CNBD1: variants seen among roughly 807,000 people sequenced by gnomAD.
CNBD1 encodes cyclic nucleotide-binding domain-containing protein 1.
A neutral mutation model predicts 54.4 loss-of-function variants in CNBD1; 71 were observed. That is an observed-to-expected ratio of 1.30 (90% confidence interval 1.08 to 1.59). The LOEUF is 1.59. Among genes scored for constraint, CNBD1 ranks in the 40% most tolerant of loss-of-function variants. The probability of loss-of-function intolerance (pLI) is 0.00; values close to 1 mark genes in which losing one functional copy is unlikely to be tolerated. For synonymous variants in CNBD1, 182 were observed against 170.7 expected (o/e 1.07, Z -0.51); for missense variants, 659 against 518.0 (o/e 1.27, Z -2.64).
intron 4 of CNBD1, among the ~76,000 whole-genome samples, chr8:87,121,508 T>C (rs1447759167): frequency 6.6e-6 from 1 of 151,846 alleles, no homozygotes. Flanking sequence ...TGCAAACCTA[T>C]CATTTTTTAT....
At chr8:87,039,666 G>A (rs1810023601) in intron 4 of CNBD1, among the ~76,000 whole-genome samples, 1 of 152,204 alleles carries the variant, frequency 6.6e-6, no homozygotes, top group Non-Finnish European at 1.5e-5. Flanking sequence ...TTCATGCAGG[G>A]CTGGCTGTGC....
At chr8:87,028,763 T>C (rs1405747641) in intron 4 of CNBD1, among the ~76,000 whole-genome samples, 1 of 152,220 alleles carries the variant, frequency 6.6e-6, no homozygotes, top group Non-Finnish European at 1.5e-5. Context: ...AGCCTAAGTG[T>C]TGTTTCCTAA....
At chr8:87,427,692 T>C (rs942201098) in intron 2 of CNBD1, among the ~76,000 whole-genome samples, 6 of 152,178 alleles carry the variant, frequency 3.9e-5, no homozygotes, top group Admixed American at 2.6e-4. Context: ...AGTTAAAGAA[T>C]GAGGTTATTT....
chr8:87,193,802 CAAAT>C (rs967294210), intron 4 of CNBD1, among the ~76,000 whole-genome samples: 22 of 152,102 alleles, frequency 1.4e-4, no homozygotes, highest in African/African-American at 4.3e-4. Flanking sequence ...CTAAGTGTAA[CAAAT>C]AAATAAATAA....
chr8:86,981,519 A>G (rs910597220), intron 4 of CNBD1, among the ~76,000 whole-genome samples: 2 of 152,270 alleles, frequency 1.3e-5, no homozygotes, highest in Admixed American at 6.5e-5. Context: ...GATTTTGGCA[A>G]TGTGTACAAT....
At chr8:86,937,381 C>A (rs1015946639) in intron 3 of CNBD1, among the ~76,000 whole-genome samples, 2 of 152,198 alleles carry the variant, frequency 1.3e-5, no homozygotes, top group African/African-American at 2.4e-5. Flanking sequence ...CATTCTGACT[C>A]TGGCCCCTCC....
At chr8:86,866,809 C>A (rs892307883) in intron 1 of CNBD1, among the ~76,000 whole-genome samples, 1 of 152,082 alleles carries the variant, frequency 6.6e-6, no homozygotes, top group Admixed American at 6.5e-5. Flanking sequence ...AAATGAGGAT[C>A]TTTACGAACT....
At chr8:87,270,816 T>C (rs1462323838) in intron 6 of CNBD1, among the ~76,000 whole-genome samples, 5 of 151,886 alleles carry the variant, frequency 3.3e-5, no homozygotes, top group Non-Finnish European at 1.5e-5. Flanking sequence ...TTATTCTTCA[T>C]TCTTTTTGGA....
intron 6 of CNBD1, among the ~76,000 whole-genome samples, chr8:87,260,182 A>G (rs765482266): frequency 2.0e-5 from 3 of 152,144 alleles, no homozygotes; most frequent in Non-Finnish European, 4.4e-5. Context: ...GCTTTTAACT[A>G]CTCCAGATAA....
At chr8:86,892,102 G>T (rs556327609) in intron 2 of CNBD1, among the ~76,000 whole-genome samples, 2 of 152,058 alleles carry the variant, frequency 1.3e-5, no homozygotes, top group South Asian at 4.2e-4. Flanking sequence ...GTGTTGAAAA[G>T]AAGTAGTGAA....
chr8:87,107,495 C>T (rs988255065), intron 4 of CNBD1, among the ~76,000 whole-genome samples: 1 of 152,202 alleles, frequency 6.6e-6, no homozygotes, highest in African/African-American at 2.4e-5. Context: ...CATTTATCAA[C>T]TCACACACCC....
chr8:87,266,568 C>T (rs1586376863), intron 6 of CNBD1, among the ~76,000 whole-genome samples: 1 of 145,452 alleles, frequency 6.9e-6, no homozygotes, highest in African/African-American at 2.5e-5. Flanking sequence ...TCTCCTGCTT[C>T]AGCCTCCCAA....
chr8:86,950,482 C>T (rs1275088217), intron 4 of CNBD1, among the ~76,000 whole-genome samples: 1 of 152,118 alleles, frequency 6.6e-6, no homozygotes, highest in Non-Finnish European at 1.5e-5. Context: ...CCTTGCATCC[C>T]TGGGATAAGT....
At chr8:87,007,584 G>T (rs1387556551) in intron 4 of CNBD1, among the ~76,000 whole-genome samples, 1 of 151,810 alleles carries the variant, frequency 6.6e-6, no homozygotes, top group East Asian at 1.9e-4. Flanking sequence ...GTTACTGATG[G>T]TATTTCATCA....
intron 4 of CNBD1, among the ~76,000 whole-genome samples, chr8:87,089,164 T>C (rs1811157225): frequency 6.6e-6 from 1 of 152,108 alleles, no homozygotes; most frequent in Non-Finnish European, 1.5e-5. Context: ...GATGGATCTA[T>C]GAAGTGAAGT....
At chr8:87,098,519 A>C (rs73281269) in intron 4 of CNBD1, among the ~76,000 whole-genome samples, 2,198 of 152,236 alleles carry the variant, frequency 0.014, 46 homozygotes, top group African/African-American at 0.05. Flanking sequence ...AAATTAGCTA[A>C]GTAGTGAGAG....
chr8:87,010,560 C>G (rs1285209434), intron 4 of CNBD1, among the ~76,000 whole-genome samples: 1 of 152,026 alleles, frequency 6.6e-6, no homozygotes, highest in Non-Finnish European at 1.5e-5. Context: ...CTAGACTTGC[C>G]AACATGGTGA....
In CNBD1 at chr8:87,163,013, C is replaced by T. The variant is rs1812889095; in HGVS notation, c.432-42980C>T. Among the ~76,000 whole-genome samples, 1 of 151,976 alleles carries T rather than the reference C, an allele frequency of 6.6e-6. No individual in the cohort carries two copies. Among genetic ancestry groups the T allele is most frequent in the South Asian group, 2.1e-4 (1 of 4,820 alleles). Reference sequence around the variant, plus strand: ...TGTGGGGCCCAGCATTCCTGTCCTCCAAAAGATGTAGCTTTCAAAGCACCA... The same window carrying T: ...TGTGGGGCCCAGCATTCCTGTCCTCTAAAAGATGTAGCTTTCAAAGCACCA... On this transcript the variant is annotated intron_variant, in intron 4 of 10. Transcript: ENST00000518476. This position sits in a 1 kb window ranked among gnomAD's most constrained non-coding sequence, Gnocchi z 4.5.
intron 8 of CNBD1, among the ~76,000 whole-genome samples, chr8:87,350,715 A>G (rs1810270385): frequency 6.6e-6 from 1 of 152,030 alleles, no homozygotes; most frequent in African/African-American, 2.4e-5. Flanking sequence ...GTGTCTTTAT[A>G]TTTAGGTTAC....
Sources: gnomAD v4.1 joint callset for allele counts (sites outside exome capture counted in the v4.1 genomes callset) on GRCh38, gnomAD v4.1.1 for gene constraint, Gnocchi (gnomAD v3.1) non-coding constraint, MANE v1.5 for transcripts, NCBI Gene and HGNC (gene_info 2026-07-23, HGNC 2026-07-21) for gene names.